GPR137B: variants seen among roughly 807,000 people sequenced by gnomAD.
GPR137B encodes integral membrane protein GPR137B.
In GPR137B, 42 loss-of-function variants were observed where a neutral mutation model predicts 42.5. The observed-to-expected ratio is 0.99, with a 90% CI of 0.77 to 1.28. The LOEUF (loss-of-function observed/expected upper bound fraction) is 1.28. Ranked by LOEUF, GPR137B falls within the 50% of genes most tolerant of loss-of-function variation. GPR137B has a pLI of 0.00. For synonymous variants in GPR137B, 218 were observed against 209.7 expected, an observed-to-expected ratio of 1.04 and a Z score of -0.34; for missense variants, 487 against 493.9, an observed-to-expected ratio of 0.99 and a Z score of 0.13.
chr1:236,200,037 G>C (rs1022316409), intron 5 of GPR137B, among the ~76,000 whole-genome samples: 2 of 151,908 alleles, frequency 1.3e-5, no homozygotes, highest in Non-Finnish European at 2.9e-5. Flanking sequence ...TGCCTCAGAG[G>C]TTTGGGTAAG....
chr1:236,185,977 C>G (rs1455596428), intron 5 of GPR137B, among the ~76,000 whole-genome samples: 2 of 151,424 alleles, frequency 1.3e-5, no homozygotes, highest in African/African-American at 4.9e-5. Context: ...TCTCCTGTGT[C>G]TATAGATTTC....
At position 236,150,680 on chromosome 1, in the gene GPR137B, G is replaced by A. The variant is rs1661832486; in HGVS notation, c.414+7644G>A. Among the ~76,000 whole-genome samples the A allele has an allele frequency of 6.6e-6, 1 of 152,234 alleles. No homozygotes were observed. Among genetic ancestry groups the A allele is most frequent in the Admixed American group, 6.5e-5 (1 of 15,290 alleles). On this transcript the variant is annotated intron_variant, in intron 1 of 6. Coordinates refer to ENST00000366592, the MANE Select transcript of GPR137B (RefSeq NM_003272.4). The surrounding 1 kb of genome is among the most constrained non-coding windows in gnomAD (Gnocchi z 6.2). ...GGCTGCTGCCGGGTCACCATCAGGA[G>A]CGCCCTACTGTCGGCTCCGAACACT...
intron 5 of GPR137B, among the ~76,000 whole-genome samples, chr1:236,186,989 C>A (rs1206306132): frequency 6.6e-6 from 1 of 152,224 alleles, no homozygotes; most frequent in Admixed American, 6.5e-5. Flanking sequence ...GTTCCTGTTT[C>A]TCCATGTCCT....
intron 5 of GPR137B, 150 bp downstream of exon 5, chr1:236,184,056 C>A: frequency 1.8e-6 from 1 of 559,098 alleles, no homozygotes; most frequent in East Asian, 3.0e-5. Context: ...TTGAGACATT[C>A]ATTTCCCTTA....
chr1:236,169,171 A>AGTG (rs1662450687), intron 2 of GPR137B, among the ~76,000 whole-genome samples: 2 of 140,298 alleles, frequency 1.4e-5, no homozygotes, highest in Non-Finnish European at 3.0e-5. Context: ...CCATGCTCCC[A>AGTG]CTGCAGGTGC....
chr1:236,157,226 CTT>C (rs35627938), intron 1 of GPR137B, among the ~76,000 whole-genome samples: 10 of 139,016 alleles, frequency 7.2e-5, no homozygotes, highest in Non-Finnish European at 4.7e-5. Flanking sequence ...AGATTCCACA[CTT>C]TTTTTTTTTT....
At chr1:236,197,299 T>C (rs544159434) in intron 5 of GPR137B, among the ~76,000 whole-genome samples, 2 of 152,350 alleles carry the variant, frequency 1.3e-5, no homozygotes, top group East Asian at 3.9e-4. Context: ...CATTGCTGGA[T>C]GCATAGTCTG....
At chr1:236,149,578 C>T (rs2025017) in intron 1 of GPR137B, among the ~76,000 whole-genome samples, 65,685 of 151,922 alleles carry the variant, frequency 0.43, 14,868 homozygotes, top group Middle Eastern at 0.53. Flanking sequence ...TGGCTCTTGG[C>T]GGTCAGTTTA....
intron 1 of GPR137B, among the ~76,000 whole-genome samples, chr1:236,160,822 CG>C (rs1662169714): frequency 6.6e-6 from 1 of 152,092 alleles, no homozygotes; most frequent in Admixed American, 6.5e-5. Flanking sequence ...GTCTCCTGCC[CG>C]GGGCCTCTCT....
chr1:236,163,757 A>G (rs1662265627), intron 1 of GPR137B, among the ~76,000 whole-genome samples: 1 of 152,100 alleles, frequency 6.6e-6, no homozygotes, highest in African/African-American at 2.4e-5. Context: ...GTGGAACTGT[A>G]AGTCCAATTA....
At chr1:236,186,285 A>ATTATAATATT (rs1491451716) in intron 5 of GPR137B, among the ~76,000 whole-genome samples, 1 of 96,482 alleles carries the variant, frequency 1.0e-5, no homozygotes, top group Non-Finnish European at 2.0e-5. Context: ...ATAATAATAT[A>ATTATAATATT]AATAATATAT....
In GPR137B at chr1:236,155,039, C is replaced by T. The variant is rs1029415178; in HGVS notation, c.414+12003C>T. Among the ~76,000 whole-genome samples the T allele has an allele frequency of 5.3e-5, 8 of 152,222 alleles. No individual in the cohort carries two copies. Among genetic ancestry groups the T allele is most frequent in the African/African-American group, 1.9e-4 (8 of 41,464 alleles). On this transcript the variant is annotated intron_variant, in intron 1 of 6. Coordinates refer to ENST00000366592, the MANE Select transcript of GPR137B (RefSeq NM_003272.4). The surrounding 1 kb of genome is among the most constrained non-coding windows in gnomAD (Gnocchi z 4.6). Reference sequence around the variant, plus strand: ...TGGTAGGGCCTTGTGTGGCCACAGCCCTTGTCATTCCCAAGGCCAAAGAGA... The same window carrying T: ...TGGTAGGGCCTTGTGTGGCCACAGCTCTTGTCATTCCCAAGGCCAAAGAGA...
chr1:236,208,376 TA>T lies in GPR137B; in HGVS notation c.*221del. The T allele has an allele frequency of 5.2e-6, 6 of 1,161,308 alleles. No individual in the cohort carries two copies. The highest frequency in any genetic ancestry group is 6.6e-6 in the Non-Finnish European group (6 of 909,110). 71.9% of individuals were successfully genotyped at this position (1,161,308 alleles called of 1,614,324 possible). ...CCTTGCTATTTCAGTGGGTATAATT[TA>T]AACTTTTTAAAGAAAATCTGTACTT... On this transcript the variant is annotated 3_prime_UTR_variant, in exon 7 of 7. Coordinates refer to ENST00000366592, the MANE Select transcript of GPR137B (RefSeq NM_003272.4).
At position 236,143,051 on chromosome 1, in the gene GPR137B, G is replaced by C; in HGVS notation, c.414+15G>C. Reference sequence around the variant, plus strand: ...ACTTCACGCAGGTGAGTTTCAGAGAGGCTCCTGGAGGCGCTCACCTGGCGG... The same window carrying C: ...ACTTCACGCAGGTGAGTTTCAGAGACGCTCCTGGAGGCGCTCACCTGGCGG... On this transcript the variant is annotated intron_variant, in intron 1 of 6. Coordinates refer to ENST00000366592, the MANE Select transcript of GPR137B (RefSeq NM_003272.4). The C allele has an allele frequency of 6.3e-7, 1 of 1,586,466 alleles. No homozygotes were observed. Among genetic ancestry groups the C allele is most frequent in the South Asian group, 1.1e-5 (1 of 87,824 alleles).
chr1:236,203,080 C>G lies in GPR137B; in HGVS notation c.967-2046C>G, dbSNP rs571729544. Among the ~76,000 whole-genome samples, 3 of 151,958 alleles carry G rather than the reference C, an allele frequency of 2.0e-5. No individual in the cohort carries two copies. In the South Asian group the frequency reaches 6.2e-4, roughly 32 times the overall value. On this transcript the variant is annotated intron_variant, in intron 5 of 6. Coordinates refer to ENST00000366592, the MANE Select transcript of GPR137B (RefSeq NM_003272.4). Reference sequence around the variant, plus strand: ...GTCTATGTGTCTGTTTCTTTTCTTTCTTTCTTTTTTGTTTTGAGACAGAGT... The same window carrying G: ...GTCTATGTGTCTGTTTCTTTTCTTTGTTTCTTTTTTGTTTTGAGACAGAGT...
chr1:236,196,607 C>A (rs746931989), intron 5 of GPR137B, among the ~76,000 whole-genome samples: 22 of 152,142 alleles, frequency 1.4e-4, no homozygotes, highest in Non-Finnish European at 2.1e-4. Flanking sequence ...TTATCCCTCA[C>A]CCTCTTCCAC....
At chr1:236,153,290 C>T (rs562798955) in intron 1 of GPR137B, among the ~76,000 whole-genome samples, 2 of 152,268 alleles carry the variant, frequency 1.3e-5, no homozygotes, top group East Asian at 3.9e-4. Context: ...GTCCCTGTTG[C>T]CTCAGCCCCT....
intron 5 of GPR137B, among the ~76,000 whole-genome samples, chr1:236,187,583 A>G (rs1055988767): frequency 1.3e-5 from 2 of 152,174 alleles, no homozygotes; most frequent in African/African-American, 2.4e-5. Context: ...TTTATTAAAT[A>G]GGAAATCTTT....
At chr1:236,197,965 C>G (rs1416375770) in intron 5 of GPR137B, among the ~76,000 whole-genome samples, 3 of 152,288 alleles carry the variant, frequency 2.0e-5, no homozygotes, top group Admixed American at 2.0e-4. Context: ...AAGTGATCCA[C>G]CCGCCTCGGC....
Sources: gnomAD v4.1 joint callset for allele counts (sites outside exome capture counted in the v4.1 genomes callset) on GRCh38, gnomAD v4.1.1 for gene constraint, Gnocchi (gnomAD v3.1) non-coding constraint, MANE v1.5 for transcripts, NCBI Gene and HGNC (gene_info 2026-07-23, HGNC 2026-07-21) for gene names.